Variants in TMTC2 observed in about 807,000 individuals in gnomAD.
The protein encoded by TMTC2 is transmembrane O-mannosyltransferase targeting cadherins 2, also known as protein O-mannosyl-transferase TMTC2.
In TMTC2, 43 loss-of-function variants were observed where a neutral mutation model predicts 82.4. That is an observed-to-expected ratio of 0.52 (90% CI 0.41 to 0.67). The LOEUF is 0.67. Ranked by LOEUF, TMTC2 falls within the 30% of genes least tolerant of loss-of-function variation. The probability of loss-of-function intolerance (pLI) is 0.00; values close to 1 mark genes in which losing one functional copy is unlikely to be tolerated. For synonymous variants in TMTC2, 408 were observed against 381.9 expected, an observed-to-expected ratio of 1.07 and a Z score of -0.80; for missense variants, 919 against 1,012.4, an observed-to-expected ratio of 0.91 and a Z score of 1.25.
intron 2 of TMTC2, among the ~76,000 whole-genome samples, chr12:82,864,527 G>A (rs73360210): frequency 0.083 from 11,770 of 141,434 alleles, 758 homozygotes; most frequent in African/African-American, 0.17. Context: ...TTGAGAGACG[G>A]AGTCTCTGTC....
chr12:82,860,831 C>T (rs1443808754), intron 2 of TMTC2, among the ~76,000 whole-genome samples: 2 of 152,176 alleles, frequency 1.3e-5, no homozygotes, highest in African/African-American at 4.8e-5. Context: ...CAGATTTAAG[C>T]ACAAACTTTC....
At chr12:83,131,592 C>T in intron 11 of TMTC2, among the ~76,000 whole-genome samples, 1 of 152,106 alleles carries the variant, frequency 6.6e-6, no homozygotes, top group East Asian at 1.9e-4. Flanking sequence ...AAACATTCAT[C>T]ATTACAGGTT....
At chr12:82,803,005 A>G (rs1879083649) in intron 1 of TMTC2, among the ~76,000 whole-genome samples, 1 of 152,160 alleles carries the variant, frequency 6.6e-6, no homozygotes, top group Non-Finnish European at 1.5e-5. Flanking sequence ...ACATATTGTA[A>G]AAGTGTTATC....
rs185252208 is a variant in TMTC2 at position 82,783,653 on chromosome 12, C to T, written c.84-73357C>T. Among the ~76,000 whole-genome samples, 123 of 152,066 alleles carry T rather than the reference C, an allele frequency of 8.1e-4. 1 individual carries two copies. The highest frequency in any genetic ancestry group is 7.8e-4 in the Non-Finnish European group (53 of 67,972). The stretch of plus-strand genomic sequence containing the variant: ...CATGGTTATGTGTTTAATGCAAATC[C>T]GGGGGAAGAGTGCTTCCTACTAAGT... On this transcript the variant is annotated intron_variant, in intron 1 of 11. Transcript: ENST00000321196.
intron 1 of TMTC2, among the ~76,000 whole-genome samples, chr12:82,784,767 G>A (rs147346657): frequency 2.6e-5 from 4 of 152,180 alleles, no homozygotes; most frequent in South Asian, 2.1e-4. Flanking sequence ...TTTTTCCAGC[G>A]TATTTTCAGC....
At chr12:82,870,375 A>G (rs916107826) in intron 2 of TMTC2, among the ~76,000 whole-genome samples, 1 of 150,494 alleles carries the variant, frequency 6.6e-6, no homozygotes, top group African/African-American at 2.5e-5. Flanking sequence ...AAGAGACTAA[A>G]ATCACAGTGT....
intron 1 of TMTC2, among the ~76,000 whole-genome samples, chr12:82,753,877 TAC>T (rs1876152924): frequency 6.6e-6 from 1 of 152,220 alleles, no homozygotes; most frequent in African/African-American, 2.4e-5. Flanking sequence ...AAATAAAGCG[TAC>T]TATATTAATT....
At chr12:83,088,828 G>A (rs1441781625) in intron 11 of TMTC2, among the ~76,000 whole-genome samples, 1 of 152,166 alleles carries the variant, frequency 6.6e-6, no homozygotes, top group African/African-American at 2.4e-5. Context: ...GTGCCCAAAA[G>A]TCAAGGGAGC....
chr12:83,098,389 C>CTCTTCA (rs962996683), intron 11 of TMTC2, among the ~76,000 whole-genome samples: 2 of 152,156 alleles, frequency 1.3e-5, no homozygotes, highest in Admixed American at 1.3e-4. Context: ...ACAATGTTTC[C>CTCTTCA]TCTTCATCTC....
At chr12:83,102,333 A>G (rs1884248179) in intron 11 of TMTC2, among the ~76,000 whole-genome samples, 1 of 152,184 alleles carries the variant, frequency 6.6e-6, no homozygotes, top group African/African-American at 2.4e-5. Flanking sequence ...GCTCAAATAG[A>G]GCTGTATAAT....
chr12:83,058,694 T>C (rs1882633728), intron 10 of TMTC2, among the ~76,000 whole-genome samples: 1 of 151,878 alleles, frequency 6.6e-6, no homozygotes, highest in Non-Finnish European at 1.5e-5. Context: ...TGATTTTTCC[T>C]TCTCACTACC....
rs1471811739 is a variant in TMTC2, at chr12:82,965,640, G to C, written c.1765G>C (p.Glu589Gln). The change falls in exon 6 of 12, where the codon GAG becomes CAG. Residue 589 changes from glutamate (E) to glutamine (Q), a missense_variant. Physicochemically the swap from Glu to Gln is conservative, Grantham distance 29 (BLOSUM62 2). Transcript: ENST00000321196. ...EARRTFLKCS[E>Q]IPDENLKDPH... ...CCGACGGACATTCTTAAAGTGTTCGGAGATCCCAGATGAAAACCTAAAGGA... is the reference window on the plus strand; with the variant it reads ...CCGACGGACATTCTTAAAGTGTTCGCAGATCCCAGATGAAAACCTAAAGGA... The C allele has an allele frequency of 3.1e-6, 5 of 1,613,680 alleles. No individual in the cohort carries two copies. In the African/African-American group the frequency reaches 6.7e-5, roughly 22 times the overall value.
Position 83,051,017 on chromosome 12 carries a change from A to C in TMTC2, c.2266A>C (p.Arg756=). Residue 756 remains arginine, a splice_region_variant and synonymous_variant, in exon 10 of 12, where the codon AGA becomes CGA. Transcript: ENST00000321196. ...DVVFNAAHML[R]QASLNEAAEK... is the part of the protein sequence containing the mutation. ...TGTCTTCAATGCTGCCCACATGCTCAGGTTAGTTTTTTTGCTGCTGTGCCT... is the reference window on the plus strand; with the variant it reads ...TGTCTTCAATGCTGCCCACATGCTCCGGTTAGTTTTTTTGCTGCTGTGCCT... 6.2e-7 allele frequency: 1 copy of C among 1,602,112 alleles called. No homozygotes were observed. Among genetic ancestry groups the C allele is most frequent in the Non-Finnish European group, 8.5e-7 (1 of 1,174,918 alleles).
At chr12:82,806,463 G>A (rs1879246345) in intron 1 of TMTC2, among the ~76,000 whole-genome samples, 1 of 152,088 alleles carries the variant, frequency 6.6e-6, no homozygotes, top group Non-Finnish European at 1.5e-5. Flanking sequence ...TTATTCTCCA[G>A]TGGGGATAGA....
chr12:82,814,923 T>A (rs1356848206), intron 1 of TMTC2, among the ~76,000 whole-genome samples: 1 of 152,112 alleles, frequency 6.6e-6, no homozygotes, highest in African/African-American at 2.4e-5. Context: ...ATAGACCTGA[T>A]TTTAGCTGTG....
chr12:82,860,897 A>G (rs999785405), intron 2 of TMTC2, among the ~76,000 whole-genome samples: 1 of 152,238 alleles, frequency 6.6e-6, no homozygotes, highest in African/African-American at 2.4e-5. Flanking sequence ...TCCATATGAA[A>G]GTTATAGAAA....
chr12:82,882,546 C>T (rs1009950918), intron 2 of TMTC2, among the ~76,000 whole-genome samples: 1 of 151,980 alleles, frequency 6.6e-6, no homozygotes, highest in Non-Finnish European at 1.5e-5. Flanking sequence ...AAGAGGATGA[C>T]CCTCTTGCTT....
At chr12:82,951,506 A>G (rs1331277392) in intron 4 of TMTC2, among the ~76,000 whole-genome samples, 1 of 151,994 alleles carries the variant, frequency 6.6e-6, no homozygotes, top group Non-Finnish European at 1.5e-5. Flanking sequence ...GTTTTAGTAG[A>G]GATAGGGTTT....
intron 1 of TMTC2, among the ~76,000 whole-genome samples, chr12:82,749,835 T>G (rs1875888557): frequency 6.6e-6 from 1 of 151,294 alleles, no homozygotes; most frequent in African/African-American, 2.4e-5. Flanking sequence ...CCTCCCGGGT[T>G]CAAGCAATTC....
Sources: allele counts gnomAD v4.1 joint callset (sites outside exome capture counted in the v4.1 genomes callset), GRCh38; gene constraint gnomAD v4.1.1; transcripts MANE v1.5; gene names NCBI Gene and HGNC (gene_info 2026-07-23, HGNC 2026-07-21).